Variants in AOPEP observed in about 807,000 individuals in gnomAD.
AOPEP encodes the protein aminopeptidase O.
Under a neutral mutation model 98.1 loss-of-function variants are expected in AOPEP, and 77 were observed. The observed-to-expected ratio is 0.78, with a 90% CI of 0.65 to 0.95. AOPEP has a LOEUF of 0.95. Among genes scored for constraint, AOPEP ranks in the 40% least tolerant of loss-of-function variants. AOPEP has a pLI of 0.00. For synonymous variants in AOPEP, 346 were observed against 365.3 expected (o/e 0.95, Z 0.60); for missense variants, 1,024 against 1,024.7 (o/e 1.00, Z 0.01).
At chr9:95,114,829 A>C in the AOPEP span, 2 of 819,492 alleles carry the variant, frequency 2.4e-6, no homozygotes, top group African/African-American at 3.3e-5. Flanking sequence ...TGGTTCACGG[A>C]ACCCAATACT....
intron 1 of AOPEP, among the ~76,000 whole-genome samples, chr9:94,735,319 C>T (rs528825198): frequency 1.7e-4 from 26 of 152,322 alleles, no homozygotes; most frequent in African/African-American, 4.8e-4. Flanking sequence ...CTCCTGGGTT[C>T]ACGCCATTCT....
In AOPEP at chr9:94,800,240, C is replaced by T. The variant is rs1457342812; in HGVS notation, c.1119-517C>T. Among the ~76,000 whole-genome samples, 8 of 152,266 alleles carry T rather than the reference C, an allele frequency of 5.3e-5. No homozygotes were observed. The South Asian group carries it at 8.3e-4, about 16-fold the overall frequency. ...TTCAGTAAAATGGTTTGTGTTCTTT[C>T]GAGGAGTTTGAGCCTGTAACTTTCA... On this transcript the variant is annotated intron_variant, in intron 4 of 16. Coordinates refer to ENST00000375315, the MANE Select transcript of AOPEP (RefSeq NM_001193329.3).
At chr9:95,037,421 G>T (rs190231683) in intron 13 of AOPEP, among the ~76,000 whole-genome samples, 1 of 152,056 alleles carries the variant, frequency 6.6e-6, no homozygotes, top group African/African-American at 2.4e-5. Flanking sequence ...AAGTATTACC[G>T]CATTCAGTTA....
intron 5 of AOPEP, among the ~76,000 whole-genome samples, chr9:94,906,653 G>A (rs1588824441): frequency 6.6e-6 from 1 of 152,078 alleles, no homozygotes; most frequent in East Asian, 1.9e-4. Flanking sequence ...GGGTAACAGA[G>A]TGAGACCTTG....
chr9:95,048,542 C>G (rs2066049463), intron 13 of AOPEP, among the ~76,000 whole-genome samples: 1 of 152,018 alleles, frequency 6.6e-6, no homozygotes, highest in Non-Finnish European at 1.5e-5. Context: ...GCACCGGGAC[C>G]GACCACGGCC....
chr9:94,872,349 G>A (rs1370850959), intron 5 of AOPEP, among the ~76,000 whole-genome samples: 4 of 152,154 alleles, frequency 2.6e-5, no homozygotes, highest in Non-Finnish European at 5.9e-5. Flanking sequence ...GGCGGAAACA[G>A]GCCAAGAAAG....
At chr9:94,997,217 T>C (rs2061299424) in intron 11 of AOPEP, among the ~76,000 whole-genome samples, 1 of 152,216 alleles carries the variant, frequency 6.6e-6, no homozygotes, top group Non-Finnish European at 1.5e-5. Flanking sequence ...TTCTTTTTAG[T>C]TCTTTTTGTG....
chr9:94,776,139 A>G (rs1269151077), intron 3 of AOPEP, among the ~76,000 whole-genome samples: 2 of 152,114 alleles, frequency 1.3e-5, no homozygotes, highest in Non-Finnish European at 2.9e-5. Flanking sequence ...TCCCCAGGCA[A>G]CCAAGGTTAC....
Position 94,753,338 on chromosome 9 carries a change from A to T in AOPEP, c.-135-6311A>T, listed in dbSNP as rs540487924. Among the ~76,000 whole-genome samples, 92 of 152,350 alleles carry T rather than the reference A, an allele frequency of 6.0e-4. 2 individuals are homozygous for T. The South Asian group carries it at 0.018, about 30-fold the overall frequency. ...AAGTTGGATGGAGTTTTAACAAACA[A>T]TGTGATACTAAAATAATAGCAACAA... On this transcript the variant is annotated intron_variant, in intron 1 of 16. Coordinates refer to ENST00000375315, the MANE Select transcript of AOPEP (RefSeq NM_001193329.3).
chr9:94,832,940 T>C (rs943560404), intron 5 of AOPEP, among the ~76,000 whole-genome samples: 4 of 151,842 alleles, frequency 2.6e-5, no homozygotes, highest in Non-Finnish European at 5.9e-5. Flanking sequence ...TTGATTTTTT[T>C]TTTTTTTTTT....
At chr9:95,136,291 TGGGA>T in the AOPEP span, among the ~76,000 whole-genome samples, 1 of 151,946 alleles carries the variant, frequency 6.6e-6, no homozygotes, top group African/African-American at 2.4e-5. Context: ...CCCAGCTACT[TGGGA>T]GGCTGAGGCA....
chr9:95,117,290 G>A, the AOPEP span: 2 of 1,606,480 alleles, frequency 1.2e-6, no homozygotes, highest in Non-Finnish European at 1.7e-6. Flanking sequence ...TCATTCTGAT[G>A]TGGGCAAAGT....
Position 95,087,156 on chromosome 9 carries a change from T to G in AOPEP, c.*479T>G, listed in dbSNP as rs2070772901. On this transcript the variant is annotated 3_prime_UTR_variant, in exon 17 of 17. Transcript: ENST00000375315. ...TAATAAATGTAATGGATTTTTTTTT[T>G]GTATACGTGTTTGCTTCTAAATTTC... The G allele has an allele frequency of 6.3e-6, 1 of 158,548 alleles. No individual in the cohort carries two copies. The highest frequency in any genetic ancestry group is 1.4e-5 in the Non-Finnish European group (1 of 73,910). The allele number at this position is 158,548 out of a possible 1,614,324, so 9.8% of individuals were successfully genotyped here. A position where few individuals can be genotyped will look rare whatever the true frequency, so the allele number is the denominator to read the frequency against.
At chr9:94,755,284 A>G (rs945451109) in intron 1 of AOPEP, among the ~76,000 whole-genome samples, 5 of 152,226 alleles carry the variant, frequency 3.3e-5, no homozygotes, top group African/African-American at 9.7e-5. Context: ...CGGACTGCTT[A>G]GAAATATGGT....
rs112849665 is a variant in AOPEP, at chr9:94,922,162, G to C, written c.1365-1824G>C. Reference sequence around the variant, plus strand: ...CTTTTGTGCATTCCTTCAGGCCCTCGCAGACTTTTATATTTGCATAAATGG... The same window carrying C: ...CTTTTGTGCATTCCTTCAGGCCCTCCCAGACTTTTATATTTGCATAAATGG... On this transcript the variant is annotated intron_variant, in intron 5 of 16. Transcript: ENST00000375315. Among the ~76,000 whole-genome samples the C allele has an allele frequency of 8.5e-5, 13 of 152,286 alleles. 1 individual carries two copies. The highest frequency in any genetic ancestry group is 3.1e-4 in the African/African-American group (13 of 41,574).
At chr9:94,809,700 C>T (rs1648395524) in intron 5 of AOPEP, among the ~76,000 whole-genome samples, 1 of 152,140 alleles carries the variant, frequency 6.6e-6, no homozygotes, top group South Asian at 2.1e-4. Context: ...ATTCATATAT[C>T]TATATTTATT....
chr9:95,019,448 A>G (rs1222807244), intron 13 of AOPEP: 1 of 152,142 alleles, frequency 6.6e-6, no homozygotes, highest in African/African-American at 2.4e-5. Context: ...TTTTTCAAAC[A>G]GTTTTGATTT....
intron 1 of AOPEP, among the ~76,000 whole-genome samples, chr9:94,731,532 G>GT (rs1830543017): frequency 6.6e-6 from 1 of 151,278 alleles, no homozygotes; most frequent in South Asian, 2.1e-4. Flanking sequence ...GGCCCAACTT[G>GT]TTTTTTTAAA....
At chr9:94,841,794 G>A (rs1403462444) in intron 5 of AOPEP, among the ~76,000 whole-genome samples, 1 of 152,104 alleles carries the variant, frequency 6.6e-6, no homozygotes, top group Non-Finnish European at 1.5e-5. Flanking sequence ...ACTCACACCT[G>A]TAATCCCAAC....
Sources: gnomAD v4.1 joint callset for allele counts (sites outside exome capture counted in the v4.1 genomes callset) on GRCh38, gnomAD v4.1.1 for gene constraint, MANE v1.5 for transcripts, NCBI Gene and HGNC (gene_info 2026-07-23, HGNC 2026-07-21) for gene names.